EEFSEC: variants seen among roughly 807,000 people sequenced by gnomAD.
The protein encoded by EEFSEC is eukaryotic elongation factor, selenocysteine-tRNA specific, also known as selenocysteine-specific elongation factor.
A neutral mutation model predicts 42.1 loss-of-function variants in EEFSEC; 43 were observed. That is an observed-to-expected ratio of 1.02 (90% confidence interval 0.80 to 1.32). The LOEUF (loss-of-function observed/expected upper bound fraction) is 1.32. EEFSEC is among the 40% of genes most tolerant of loss of function. EEFSEC has a pLI of 0.00. For synonymous variants in EEFSEC, 354 were observed against 339.1 expected, an observed-to-expected ratio of 1.04 and a Z score of -0.48; for missense variants, 745 against 803.6, an observed-to-expected ratio of 0.93 and a Z score of 0.88.
chr3:128,181,881 T>G (rs1257763692), intron 1 of EEFSEC, among the ~76,000 whole-genome samples: 1 of 152,256 alleles, frequency 6.6e-6, no homozygotes, highest in Non-Finnish European at 1.5e-5. Flanking sequence ...TGGCACGATC[T>G]CAGCTCACTG....
chr3:128,365,993 C>A (rs570637943), intron 6 of EEFSEC, among the ~76,000 whole-genome samples: 2 of 152,200 alleles, frequency 1.3e-5, no homozygotes, highest in Admixed American at 6.5e-5. Flanking sequence ...AGCTGATGCA[C>A]CTCTCTGTTG....
At chr3:128,162,599 C>T (rs1374417822) in intron 1 of EEFSEC, among the ~76,000 whole-genome samples, 1 of 152,178 alleles carries the variant, frequency 6.6e-6, no homozygotes, top group African/African-American at 2.4e-5. Context: ...ACATCAGAGA[C>T]ACAGCCTTGA....
chr3:128,404,943 G>A (rs2977564), intron 6 of EEFSEC, among the ~76,000 whole-genome samples: 44,432 of 151,864 alleles, frequency 0.29, 8,237 homozygotes, highest in Non-Finnish European at 0.4. Flanking sequence ...GAGGGAGACC[G>A]GACCCTTTGT....
intron 2 of EEFSEC, among the ~76,000 whole-genome samples, chr3:128,254,485 G>A (rs950970658): frequency 2.6e-5 from 4 of 152,176 alleles, no homozygotes; most frequent in African/African-American, 7.2e-5. Context: ...ATGTTGGACA[G>A]GGAAATGGGG....
intron 4 of EEFSEC, among the ~76,000 whole-genome samples, chr3:128,324,512 G>T (rs915482772): frequency 6.6e-6 from 1 of 152,210 alleles, no homozygotes; most frequent in Non-Finnish European, 1.5e-5. Context: ...GTGGTTCAAT[G>T]AATGCCTTAC....
intron 4 of EEFSEC, among the ~76,000 whole-genome samples, chr3:128,331,118 C>T (rs1323827389): frequency 3.4e-5 from 1 of 29,374 alleles, no homozygotes; most frequent in Admixed American, 2.8e-4. Context: ...CCCCTCTTCC[C>T]CCCTTCTCAG....
intron 6 of EEFSEC, among the ~76,000 whole-genome samples, chr3:128,386,304 G>T (rs1342619624): frequency 6.6e-6 from 1 of 152,178 alleles, no homozygotes; most frequent in African/African-American, 2.4e-5. Flanking sequence ...TACCCTAGCA[G>T]GCTGCAGGCT....
chr3:128,163,624 C>T (rs1226984858), intron 1 of EEFSEC, among the ~76,000 whole-genome samples: 1 of 151,970 alleles, frequency 6.6e-6, no homozygotes, highest in Non-Finnish European at 1.5e-5. Flanking sequence ...AGTTGTGTAG[C>T]TGTCATCACA....
In EEFSEC at chr3:128,232,209, G is replaced by T. The variant is rs919193688; in HGVS notation, c.317-14627G>T. Among the ~76,000 whole-genome samples the T allele has an allele frequency of 2.0e-5, 3 of 152,188 alleles. No homozygotes were observed. The East Asian group carries it at 5.8e-4, about 29-fold the overall frequency. On this transcript the variant is annotated intron_variant, in intron 1 of 6. Transcript: ENST00000254730. The stretch of plus-strand genomic sequence containing the variant: ...AAAGTAAAAAAGTTGGGCAGGGGGT[G>T]GGGGGAAGTTTTCATACTCACTGCA...
chr3:128,422,248 G>A, the EEFSEC span, among the ~76,000 whole-genome samples: 2 of 152,236 alleles, frequency 1.3e-5, no homozygotes, highest in African/African-American at 2.4e-5. Context: ...GTCACCTCCA[G>A]AAAGCTGGGC....
chr3:128,378,923 A>G (rs1280366612), intron 6 of EEFSEC, among the ~76,000 whole-genome samples: 1 of 152,252 alleles, frequency 6.6e-6, no homozygotes, highest in African/African-American at 2.4e-5. Flanking sequence ...GTTCTGTCCC[A>G]CACAGCTGAC....
At chr3:128,227,324 G>A (rs918213056) in intron 1 of EEFSEC, among the ~76,000 whole-genome samples, 37 of 150,646 alleles carry the variant, frequency 2.5e-4, no homozygotes, top group African/African-American at 7.1e-4. Context: ...CCCCCACTCC[G>A]TTCTTTTTTT....
downstream of EEFSEC, among the ~76,000 whole-genome samples, chr3:128,412,869 C>G (rs72979318): frequency 0.17 from 26,157 of 151,972 alleles, 6,083 homozygotes; most frequent in African/African-American, 0.53. Flanking sequence ...TGGTGATGCT[C>G]GGGGAGGTGA....
chr3:128,322,869 T>C (rs929261084), intron 4 of EEFSEC, among the ~76,000 whole-genome samples: 3 of 152,168 alleles, frequency 2.0e-5, no homozygotes, highest in African/African-American at 7.2e-5. Context: ...CTCTGGTCTT[T>C]CTTTGCTTGA....
intron 3 of EEFSEC, among the ~76,000 whole-genome samples, chr3:128,263,544 T>C (rs539638185): frequency 8.5e-4 from 130 of 152,368 alleles, no homozygotes; most frequent in Non-Finnish European, 7.1e-4. Context: ...AGCGAAATCC[T>C]CAAAAATGCT....
At chr3:128,220,116 A>G (rs550708575) in intron 1 of EEFSEC, among the ~76,000 whole-genome samples, 1 of 152,296 alleles carries the variant, frequency 6.6e-6, no homozygotes, top group Admixed American at 6.5e-5. Context: ...CCTGGAGATG[A>G]GGGAACTGAA....
chr3:128,224,737 G>C lies in EEFSEC; in HGVS notation c.317-22099G>C, dbSNP rs540524247. Reference sequence around the variant, plus strand: ...TTTCTTGCGTAAATCAATGTCATTAGCACAGCTAATAATAACTATTCTTTG... The same window carrying C: ...TTTCTTGCGTAAATCAATGTCATTACCACAGCTAATAATAACTATTCTTTG... On this transcript the variant is annotated intron_variant, in intron 1 of 6. Coordinates refer to ENST00000254730, the MANE Select transcript of EEFSEC (RefSeq NM_021937.5). Among the ~76,000 whole-genome samples the C allele has an allele frequency of 8.5e-4, 130 of 152,236 alleles. 1 individual carries two copies. The highest frequency in any genetic ancestry group is 2.9e-3 in the African/African-American group (122 of 41,534).
At chr3:128,406,476 G>A (rs1287417299) in intron 6 of EEFSEC, among the ~76,000 whole-genome samples, 1 of 152,160 alleles carries the variant, frequency 6.6e-6, no homozygotes, top group Non-Finnish European at 1.5e-5. Context: ...TAATAACAAT[G>A]TGTAATATTC....
chr3:128,319,933 C>A (rs1400205104), intron 4 of EEFSEC, among the ~76,000 whole-genome samples: 1 of 152,252 alleles, frequency 6.6e-6, no homozygotes, highest in Non-Finnish European at 1.5e-5. Flanking sequence ...GGCGTGTGTA[C>A]AGCACCTGCT....
Sources: allele counts gnomAD v4.1 joint callset (sites outside exome capture counted in the v4.1 genomes callset), GRCh38; gene constraint gnomAD v4.1.1; transcripts MANE v1.5; gene names NCBI Gene and HGNC (gene_info 2026-07-23, HGNC 2026-07-21).